ETV1: variants seen among roughly 807,000 people sequenced by gnomAD.
The protein encoded by ETV1 is ETS translocation variant 1.
ETV1 carries 27 observed loss-of-function variants against 62.3 expected under a neutral mutation model. The observed-to-expected ratio is 0.43, with a 90% confidence interval of 0.32 to 0.60. The LOEUF is 0.60. Among genes scored for constraint, ETV1 ranks in the 20% least tolerant of loss-of-function variants. ETV1 has a pLI of 0.06. For missense variants in ETV1, 605 were observed against 605.8 expected, an observed-to-expected ratio of 1.00 and a Z score of 0.01; for synonymous variants, 222 against 199.6, an observed-to-expected ratio of 1.11 and a Z score of -0.94.
At position 13,909,656 on chromosome 7, in the gene ETV1, A is replaced by G; in HGVS notation, c.916T>C (p.Cys306Arg). Residue 306 changes from cysteine to arginine, a missense_variant, in exon 11 of 14, where the codon TGT (cysteine) becomes CGT (arginine). Physicochemically the swap from Cys to Arg is radical, Grantham distance 180. Coordinates refer to ENST00000430479, the MANE Select transcript of ETV1 (RefSeq NM_004956.5). ...CCATCGAATTTTTCTGGGACAACAC[A>G]GGTGTCATCATAAAACTGCCTGGGG... ...KGPRQFYDDT[C>R]VVPEKFDGDI... 1 of 1,613,500 alleles carries G rather than the reference A, an allele frequency of 6.2e-7. No homozygotes were observed. Among genetic ancestry groups the G allele is most frequent in the Non-Finnish European group, 8.5e-7 (1 of 1,179,496 alleles).
chr7:13,957,203 A>C (rs139924701), intron 6 of ETV1, among the ~76,000 whole-genome samples: 7,021 of 152,050 alleles, frequency 0.046, 446 homozygotes, highest in African/African-American at 0.15. Flanking sequence ...CTCCTGCCTC[A>C]GCCTCCCAAG....
rs904302794 is a variant in ETV1, at chr7:13,904,485, A to C, written c.1110+1945T>G. On this transcript the variant is annotated intron_variant, in intron 12 of 13. Coordinates refer to ENST00000430479, the MANE Select transcript of ETV1 (RefSeq NM_004956.5). ...AAATCTCCTACTTACTCAAATCTGAACATCATAAAAGTCAACAGTTGCTAT... is the reference window on the plus strand; with the variant it reads ...AAATCTCCTACTTACTCAAATCTGACCATCATAAAAGTCAACAGTTGCTAT... 5.9e-5 allele frequency among the ~76,000 whole-genome samples: 9 copies of C among 152,322 alleles called. No individual in the cohort carries two copies. In the East Asian group the frequency reaches 1.7e-3, roughly 29 times the overall value.
chr7:13,981,291 C>T (rs1209994075), intron 5 of ETV1, among the ~76,000 whole-genome samples: 1 of 152,056 alleles, frequency 6.6e-6, no homozygotes, highest in Non-Finnish European at 1.5e-5. Context: ...TCAAGACAAG[C>T]AGGCAGAACT....
Position 13,983,052 on chromosome 7 carries a change from G to A in ETV1, c.181+3586C>T, listed in dbSNP as rs369277384. 5.3e-5 allele frequency among the ~76,000 whole-genome samples: 8 copies of A among 152,008 alleles called. No homozygotes were observed. In the East Asian group the frequency reaches 5.8e-4, roughly 11 times the overall value. ...AACCAAAAGGAAAAAACCCTTATTC[G>A]TATGATGTAATAAGCTTTGCTGTAG... is the stretch of plus-strand genomic sequence containing the variant. On this transcript the variant is annotated intron_variant, in intron 5 of 13. Coordinates refer to ENST00000430479, the MANE Select transcript of ETV1 (RefSeq NM_004956.5).
chr7:13,945,717 G>T (rs1231464856), intron 6 of ETV1, among the ~76,000 whole-genome samples: 3 of 152,122 alleles, frequency 2.0e-5, no homozygotes, highest in Non-Finnish European at 4.4e-5. Context: ...AGTTGAAAAC[G>T]TGTTGGGTAT....
At chr7:13,932,663 C>T (rs1194670743) in intron 8 of ETV1, among the ~76,000 whole-genome samples, 3 of 152,074 alleles carry the variant, frequency 2.0e-5, no homozygotes, top group Non-Finnish European at 4.4e-5. Flanking sequence ...GTTTCTCATC[C>T]ATAATATCAT....
chr7:13,896,771 A>AGAAAGAAAG (rs1554288489), intron 13 of ETV1, among the ~76,000 whole-genome samples: 2 of 149,832 alleles, frequency 1.3e-5, no homozygotes, highest in African/African-American at 5.1e-5. Flanking sequence ...AAAGAAAGAA[A>AGAAAGAAAG]GAAAGAAAGA....
chr7:13,930,751 A>G (rs928046778), intron 9 of ETV1, among the ~76,000 whole-genome samples: 31 of 152,016 alleles, frequency 2.0e-4, no homozygotes, highest in African/African-American at 7.5e-4. Context: ...TTAATATGTA[A>G]GAATTCTTAC....
Position 13,986,010 on chromosome 7 carries a change from T to C in ETV1, c.181+628A>G, listed in dbSNP as rs1337113175. On this transcript the variant is annotated intron_variant, in intron 5 of 13. Transcript: ENST00000430479. ...AAACTGACAAAATAGCAAAGGTCAA[T>C]TTCAGCAAACATAACATGAATAGTA... 11 of 937,928 alleles carry C rather than the reference T, an allele frequency of 1.2e-5. No individual in the cohort carries two copies. The Admixed American group carries it at 2.6e-4, about 22-fold the overall frequency. The allele number at this position is 937,928 out of a possible 1,614,324, so 58.1% of individuals were successfully genotyped here.
rs749441922 is a variant in ETV1 at position 13,909,713 on chromosome 7, A to G, written c.872-13T>C. 2.5e-6 allele frequency: 4 copies of G among 1,600,682 alleles called. No homozygotes were observed. The Admixed American group carries it at 6.7e-5, about 27-fold the overall frequency. Reference sequence around the variant, plus strand: ...TCAAACATACAGCCTGTGGATGAAAAAGGAATACATTTATTCATGATAGAA... The same window carrying G: ...TCAAACATACAGCCTGTGGATGAAAGAGGAATACATTTATTCATGATAGAA... On this transcript the variant is annotated splice_polypyrimidine_tract_variant and intron_variant, in intron 10 of 13. Coordinates refer to ENST00000430479, the MANE Select transcript of ETV1 (RefSeq NM_004956.5).
rs988412726 is a variant in ETV1 at position 13,905,474 on chromosome 7, T to G, written c.1110+956A>C. Among the ~76,000 whole-genome samples the G allele has an allele frequency of 2.0e-5, 3 of 152,208 alleles. No individual in the cohort carries two copies. In the East Asian group the frequency reaches 5.8e-4, roughly 29 times the overall value. On this transcript the variant is annotated intron_variant, in intron 12 of 13. Transcript: ENST00000430479. ...TTAATAGTAGCAGAGAAAGTATCTT[T>G]AGTAATGAAGACACAACAATTTGAT...
At chr7:13,920,360 A>T (rs1320696440) in intron 9 of ETV1, among the ~76,000 whole-genome samples, 7 of 152,160 alleles carry the variant, frequency 4.6e-5, no homozygotes, top group Non-Finnish European at 1.0e-4. Flanking sequence ...CATTACTTCC[A>T]GTCAACTGGC....
intron 6 of ETV1, among the ~76,000 whole-genome samples, chr7:13,969,813 C>A (rs1270891506): frequency 6.6e-6 from 1 of 152,126 alleles, no homozygotes; most frequent in Non-Finnish European, 1.5e-5. Context: ...ACTAATAAAA[C>A]AAGAAGTTGC....
At chr7:13,964,105 C>G (rs376327729) in intron 6 of ETV1, among the ~76,000 whole-genome samples, 1 of 152,168 alleles carries the variant, frequency 6.6e-6, no homozygotes, top group African/African-American at 2.4e-5. Context: ...ACCTGACATT[C>G]TGGCCCCAGT....
chr7:13,955,145 A>G (rs1281213410), intron 6 of ETV1, among the ~76,000 whole-genome samples: 1 of 152,168 alleles, frequency 6.6e-6, no homozygotes. Context: ...ACATTTTTAT[A>G]ATTTTTACCC....
intron 4 of ETV1, among the ~76,000 whole-genome samples, chr7:13,987,826 T>G (rs1782683525): frequency 6.6e-6 from 1 of 152,216 alleles, no homozygotes; most frequent in Non-Finnish European, 1.5e-5. Flanking sequence ...CAAAGGTATT[T>G]AAACACAAAA....
At chr7:13,914,207 T>C (rs1206959890) in intron 9 of ETV1, among the ~76,000 whole-genome samples, 1 of 152,086 alleles carries the variant, frequency 6.6e-6, no homozygotes, top group Non-Finnish European at 1.5e-5. Context: ...TTTGAGCTTC[T>C]TTTTACAGTA....
rs577687408 is a variant in ETV1 at position 13,983,110 on chromosome 7, G to A, written c.181+3528C>T. Among the ~76,000 whole-genome samples, 10 of 152,044 alleles carry A rather than the reference G, an allele frequency of 6.6e-5. No homozygotes were observed. In the Middle Eastern group the frequency reaches 0.01, roughly 155 times the overall value. ...GTTCTTGCAGATAAAACTCCTACTC[G>A]AAGTGTGGAGGCAGCACTAAACTTG... On this transcript the variant is annotated intron_variant, in intron 5 of 13. Coordinates refer to ENST00000430479, the MANE Select transcript of ETV1 (RefSeq NM_004956.5).
chr7:13,899,911 C>A (rs1782232236), intron 13 of ETV1, among the ~76,000 whole-genome samples: 1 of 152,180 alleles, frequency 6.6e-6, no homozygotes, highest in African/African-American at 2.4e-5. Flanking sequence ...GGCAGATCAC[C>A]TGAGGTCAGG....
Sources: gnomAD v4.1 joint callset for allele counts (sites outside exome capture counted in the v4.1 genomes callset) on GRCh38, gnomAD v4.1.1 for gene constraint, MANE v1.5 for transcripts, NCBI Gene and HGNC (gene_info 2026-07-23, HGNC 2026-07-21) for gene names.